Variants in NCAM2 observed in about 807,000 individuals in gnomAD.
The protein encoded by NCAM2 is neural cell adhesion molecule 2, also known as N-CAM-2.
In NCAM2, 30 loss-of-function variants were observed where a neutral mutation model predicts 98.1. That is an observed-to-expected ratio of 0.31 (90% CI 0.23 to 0.41). The LOEUF (loss-of-function observed/expected upper bound fraction) is 0.41. Among genes scored for constraint, NCAM2 ranks in the 10% least tolerant of loss-of-function variants. The pLI is 1.00. For missense variants in NCAM2, 867 were observed against 1,005.8 expected, an observed-to-expected ratio of 0.86 and a Z score of 1.87; for synonymous variants, 368 against 342.4, an observed-to-expected ratio of 1.07 and a Z score of -0.83.
At chr21:21,111,621 G>A (rs978953946) in intron 1 of NCAM2, among the ~76,000 whole-genome samples, 4 of 152,200 alleles carry the variant, frequency 2.6e-5, no homozygotes, top group Admixed American at 6.6e-5. Context: ...CCATTCACAG[G>A]AACGAGAAGA....
At chr21:21,209,436 C>T (rs2069563315) in intron 1 of NCAM2, among the ~76,000 whole-genome samples, 1 of 152,024 alleles carries the variant, frequency 6.6e-6, no homozygotes, top group Admixed American at 6.6e-5. Flanking sequence ...GTTTTCCAGT[C>T]TCAAATCCCT....
At chr21:21,251,166 T>C (rs1242849391) in intron 1 of NCAM2, among the ~76,000 whole-genome samples, 3 of 152,148 alleles carry the variant, frequency 2.0e-5, no homozygotes, top group African/African-American at 7.2e-5. Flanking sequence ...TTATTTTATT[T>C]TATTATACTT....
chr21:21,286,621 A>G (rs2073111584), intron 4 of NCAM2, among the ~76,000 whole-genome samples: 3 of 151,996 alleles, frequency 2.0e-5, no homozygotes, highest in African/African-American at 7.2e-5. Flanking sequence ...TGTTGTAATC[A>G]AAACACAGTT....
At chr21:21,270,754 G>A (rs1473245188) in intron 1 of NCAM2, among the ~76,000 whole-genome samples, 2 of 151,652 alleles carry the variant, frequency 1.3e-5, no homozygotes, top group Non-Finnish European at 2.9e-5. Flanking sequence ...TAATTTTTTG[G>A]TGAGCCCAGG....
At chr21:21,232,998 T>G (rs2070688572) in intron 1 of NCAM2, among the ~76,000 whole-genome samples, 1 of 151,644 alleles carries the variant, frequency 6.6e-6, no homozygotes, top group African/African-American at 2.4e-5. Context: ...ACTTAGTTGC[T>G]TTTCCTGAAA....
At position 21,428,458 on chromosome 21, in the gene NCAM2, T is replaced by C. The variant is rs919451507; in HGVS notation, c.1481-3650T>C. Among the ~76,000 whole-genome samples the C allele has an allele frequency of 2.0e-5, 3 of 152,286 alleles. No individual in the cohort carries two copies. In the East Asian group the frequency reaches 5.8e-4, roughly 29 times the overall value. On this transcript the variant is annotated intron_variant, in intron 11 of 17. Transcript: ENST00000400546. ...ATGAAAATGAAGCTCCTGAATACCA[T>C]TGCAGGGAAGTGATGTGATCAGAGT...
intron 1 of NCAM2, among the ~76,000 whole-genome samples, chr21:21,249,899 A>T (rs2071413308): frequency 6.6e-6 from 1 of 152,172 alleles, no homozygotes; most frequent in African/African-American, 2.4e-5. Context: ...TAGCACATCC[A>T]CATGTATTTA....
At chr21:21,253,829 C>T (rs1432680873) in intron 1 of NCAM2, among the ~76,000 whole-genome samples, 2 of 152,136 alleles carry the variant, frequency 1.3e-5, no homozygotes, top group Non-Finnish European at 2.9e-5. Context: ...CACTTGAGTT[C>T]TAAGGCCCAG....
chr21:21,482,563 T>A (rs1985985233), intron 15 of NCAM2, among the ~76,000 whole-genome samples: 1 of 151,884 alleles, frequency 6.6e-6, no homozygotes, highest in South Asian at 2.1e-4. Flanking sequence ...ATATTAGATA[T>A]ATTTAACTTT....
At chr21:21,351,621 A>G (rs2075342275) in intron 8 of NCAM2, among the ~76,000 whole-genome samples, 1 of 152,192 alleles carries the variant, frequency 6.6e-6, no homozygotes, top group Non-Finnish European at 1.5e-5. Context: ...CCTTGATCTG[A>G]GATATATGTG....
rs1250564986 is a variant in NCAM2 at position 21,418,557 on chromosome 21, C to A, written c.1468C>A (p.Leu490Ile). 6.2e-7 allele frequency: 1 copy of A among 1,604,890 alleles called. No homozygotes were observed. Among genetic ancestry groups the A allele is most frequent in the South Asian group, 1.1e-5 (1 of 90,876 alleles). ...AGGAACAAGATTTCAAGAATATATT[C>A]TTGCTTTGGCTGGTAAGTATAGCAC... ...HIGTRFQEYI[L>I]ALADVPSSPY... is the part of the protein sequence containing the mutation. The change falls in exon 11 of 18, where the codon CTT becomes ATT. Residue 490 changes from leucine (L) to isoleucine (I), a missense_variant. Transcript: ENST00000400546.
intron 1 of NCAM2, among the ~76,000 whole-genome samples, chr21:21,277,495 A>AG (rs2147473935): frequency 6.6e-6 from 1 of 152,236 alleles, no homozygotes; most frequent in Admixed American, 6.5e-5. Flanking sequence ...GGAAGCCATG[A>AG]GGGGTTGTAT....
intron 1 of NCAM2, among the ~76,000 whole-genome samples, chr21:21,198,570 G>A (rs2069096205): frequency 6.6e-6 from 1 of 152,130 alleles, no homozygotes; most frequent in South Asian, 2.1e-4. Context: ...GGCTAGCAAT[G>A]TAGAAAAAAT....
intron 1 of NCAM2, among the ~76,000 whole-genome samples, chr21:21,209,144 A>G (rs888208094): frequency 9.9e-5 from 15 of 150,806 alleles, no homozygotes; most frequent in African/African-American, 3.6e-4. Flanking sequence ...GAGAACATCA[A>G]ATGGTAATAG....
chr21:21,187,155 C>T lies in NCAM2; in HGVS notation c.56-93423C>T, dbSNP rs917068102. Among the ~76,000 whole-genome samples, 10 of 151,976 alleles carry T rather than the reference C, an allele frequency of 6.6e-5. No individual in the cohort carries two copies. The South Asian group carries it at 2.1e-3, about 32-fold the overall frequency. On this transcript the variant is annotated intron_variant, in intron 1 of 17. Transcript: ENST00000400546. Reference sequence around the variant, plus strand: ...AGGAGAATCCCTTGAACCTGGGAGGCGGAGGTTGCAGTGAGCCAAGATAGC... The same window carrying T: ...AGGAGAATCCCTTGAACCTGGGAGGTGGAGGTTGCAGTGAGCCAAGATAGC...
intron 1 of NCAM2, among the ~76,000 whole-genome samples, chr21:21,075,249 A>G (rs964969982): frequency 7.2e-5 from 11 of 152,162 alleles, no homozygotes; most frequent in Admixed American, 2.0e-4. Context: ...TGACGGGTTG[A>G]TGGATGCAGC....
rs536565155 is a variant in NCAM2 at position 21,462,863 on chromosome 21, G to T, written c.1655-3743G>T. Among the ~76,000 whole-genome samples the T allele has an allele frequency of 3.9e-5, 6 of 152,136 alleles. No individual in the cohort carries two copies. In the South Asian group the frequency reaches 1.0e-3, roughly 26 times the overall value. On this transcript the variant is annotated intron_variant, in intron 12 of 17. Coordinates refer to ENST00000400546, the MANE Select transcript of NCAM2 (RefSeq NM_004540.5). ...AGAACCGTGTTAAGATTTGTAAATC[G>T]TGCTGACTAAATATAGCTCTAAAAT...
intron 1 of NCAM2, among the ~76,000 whole-genome samples, chr21:21,105,361 G>A (rs977862260): frequency 2.0e-5 from 3 of 152,058 alleles, no homozygotes; most frequent in African/African-American, 7.2e-5. Flanking sequence ...AGTGTTTGAA[G>A]GGGCATAGAA....
chr21:21,017,116 G>A (rs933852784), intron 1 of NCAM2, among the ~76,000 whole-genome samples: 2 of 152,142 alleles, frequency 1.3e-5, no homozygotes, highest in Non-Finnish European at 2.9e-5. Flanking sequence ...TTCTGGAAGA[G>A]GAAGAATTGG....
Sources: gnomAD v4.1 joint callset for allele counts (sites outside exome capture counted in the v4.1 genomes callset) on GRCh38, gnomAD v4.1.1 for gene constraint, MANE v1.5 for transcripts, NCBI Gene and HGNC (gene_info 2026-07-23, HGNC 2026-07-21) for gene names.